Variants in SGPP2 observed in about 807,000 individuals in gnomAD.
The protein encoded by SGPP2 is sphingosine-1-phosphate phosphatase 2, also known as sphingosine 1-phosphate phosphohydrolase 2.
In SGPP2, 30 loss-of-function variants were observed where a neutral mutation model predicts 33.9. That is an observed-to-expected ratio of 0.89 (90% CI 0.66 to 1.20). The LOEUF (loss-of-function observed/expected upper bound fraction) is 1.20. SGPP2 is among the 50% of genes most tolerant of loss of function. SGPP2 has a pLI of 0.00. For missense variants in SGPP2, 458 were observed against 532.1 expected (o/e 0.86, Z 1.37); for synonymous variants, 233 against 225.0 (o/e 1.04, Z -0.32).
At position 222,490,026 on chromosome 2, in the gene SGPP2, G is replaced by A. The variant is rs1402276800; in HGVS notation, c.378+15300G>A. On this transcript the variant is annotated intron_variant, in intron 2 of 4. Coordinates refer to ENST00000321276, the MANE Select transcript of SGPP2 (RefSeq NM_152386.4). Reference sequence around the variant, plus strand: ...TGAAAGCCTGAGTTGCAGAAAACCAGGTGCCTGTCTTTGTTTAAAACATTT... The same window carrying A: ...TGAAAGCCTGAGTTGCAGAAAACCAAGTGCCTGTCTTTGTTTAAAACATTT... Among the ~76,000 whole-genome samples the A allele has an allele frequency of 2.6e-5, 4 of 152,032 alleles. No homozygotes were observed. The East Asian group carries it at 5.8e-4, about 22-fold the overall frequency.
chr2:222,554,261 A>G (rs2106157178), intron 4 of SGPP2, among the ~76,000 whole-genome samples: 1 of 152,336 alleles, frequency 6.6e-6, no homozygotes, highest in East Asian at 1.9e-4. Context: ...AAATGGTAAT[A>G]TACTGTATGC....
intron 4 of SGPP2, among the ~76,000 whole-genome samples, chr2:222,542,428 AC>A (rs1428579038): frequency 5.3e-5 from 8 of 152,314 alleles, no homozygotes; most frequent in African/African-American, 1.4e-4. Flanking sequence ...TTGAGTATGA[AC>A]GCAGAAGTAA....
At chr2:222,540,274 T>C (rs1329205497) in intron 4 of SGPP2, among the ~76,000 whole-genome samples, 1 of 152,180 alleles carries the variant, frequency 6.6e-6, no homozygotes, top group African/African-American at 2.4e-5. Context: ...TAAAGGTAAT[T>C]TTATGCAGTA....
chr2:222,522,327 G>A (rs974680457), intron 3 of SGPP2, among the ~76,000 whole-genome samples: 1 of 152,124 alleles, frequency 6.6e-6, no homozygotes, highest in Non-Finnish European at 1.5e-5. Flanking sequence ...TGATTCTCCA[G>A]GGCTGAGATG....
At chr2:222,553,755 G>C (rs1241109988) in intron 4 of SGPP2, among the ~76,000 whole-genome samples, 1 of 152,158 alleles carries the variant, frequency 6.6e-6, no homozygotes, top group Non-Finnish European at 1.5e-5. Context: ...ATACATTTAG[G>C]TAAAATGACT....
At chr2:222,538,653 G>C (rs2106146769) in intron 4 of SGPP2, among the ~76,000 whole-genome samples, 1 of 152,154 alleles carries the variant, frequency 6.6e-6, no homozygotes, top group East Asian at 1.9e-4. Context: ...CAGTTCTGCA[G>C]GAAGCATAGT....
chr2:222,558,586 C>G lies in SGPP2; in HGVS notation c.888C>G (p.Phe296Leu), dbSNP rs1320543244. The change falls in exon 5 of 5, where the codon TTC becomes TTG. Residue 296 changes from phenylalanine to leucine, a missense_variant. Transcript: ENST00000321276. ...GVTIGFWINH[F>L]FQLVSKPAES... ...CCATAGGATTCTGGATCAACCATTT[C>G]TTCCAGCTTGTATCCAAGCCCGCTG... The G allele has an allele frequency of 6.2e-7, 1 of 1,614,098 alleles. No homozygotes were observed. The highest frequency in any genetic ancestry group is 2.2e-5 in the East Asian group (1 of 44,906).
At chr2:222,459,037 C>G (rs993119581) in intron 1 of SGPP2, among the ~76,000 whole-genome samples, 3 of 152,196 alleles carry the variant, frequency 2.0e-5, no homozygotes, top group Non-Finnish European at 4.4e-5. Context: ...AAAATTCCCA[C>G]TGATTCAGCC....
intron 1 of SGPP2, among the ~76,000 whole-genome samples, chr2:222,432,542 G>A (rs939459497): frequency 6.6e-6 from 1 of 152,220 alleles, no homozygotes; most frequent in African/African-American, 2.4e-5. Flanking sequence ...CATGCATATT[G>A]TGTAGTGACT....
At chr2:222,547,885 G>A (rs1689229908) in intron 4 of SGPP2, among the ~76,000 whole-genome samples, 1 of 152,062 alleles carries the variant, frequency 6.6e-6, no homozygotes, top group African/African-American at 2.4e-5. Flanking sequence ...AAATGAATAT[G>A]TGTGAAAGAT....
chr2:222,494,987 G>A (rs1020478846), intron 2 of SGPP2, among the ~76,000 whole-genome samples: 14 of 152,170 alleles, frequency 9.2e-5, no homozygotes, highest in South Asian at 4.1e-4. Context: ...AGCCAAGATC[G>A]CGCCACTGCA....
At chr2:222,523,334 C>T (rs2106135085) in intron 3 of SGPP2, among the ~76,000 whole-genome samples, 1 of 152,328 alleles carries the variant, frequency 6.6e-6, no homozygotes, top group Middle Eastern at 3.4e-3. Flanking sequence ...TAACTTAGTG[C>T]AGGCTGCTGA....
intron 4 of SGPP2, among the ~76,000 whole-genome samples, chr2:222,545,163 C>G (rs897796426): frequency 6.6e-6 from 1 of 152,078 alleles, no homozygotes; most frequent in Non-Finnish European, 1.5e-5. Context: ...TCCACTGGTA[C>G]TTGCATTTAT....
In SGPP2 at chr2:222,424,578, G is replaced by A; in HGVS notation, c.-25G>A. 1.6e-6 allele frequency: 2 copies of A among 1,218,066 alleles called. No individual in the cohort carries two copies. The highest frequency in any genetic ancestry group is 3.6e-5 in the South Asian group (1 of 27,432). The allele number at this position is 1,218,066 out of a possible 1,614,324, so 75.5% of individuals were successfully genotyped here. On this transcript the variant is annotated 5_prime_UTR_variant, in exon 1 of 5. Transcript: ENST00000321276. ...GGCACCGGCCCGGCGTGGCAGCGGC[G>A]GCGGAGCGCGGCCCCGGGCACACCA...
In SGPP2 at chr2:222,537,658, G is replaced by A. The variant is rs112464042; in HGVS notation, c.648+12625G>A. On this transcript the variant is annotated intron_variant, in intron 4 of 4. Coordinates refer to ENST00000321276, the MANE Select transcript of SGPP2 (RefSeq NM_152386.4). ...CAATATGTATCAAAAGTAGTAAAAT[G>A]TGTGATGCATACCTCTTGACCCAGG... Among the ~76,000 whole-genome samples, 1,053 of 152,310 alleles carry A rather than the reference G, an allele frequency of 6.9e-3. 5 individuals are homozygous for A. Among genetic ancestry groups the A allele is most frequent in the African/African-American group, 0.024 (1,002 of 41,570 alleles).
rs1689387522 is a variant in SGPP2, at chr2:222,555,851, G to A, written c.649-2496G>A. On this transcript the variant is annotated intron_variant, in intron 4 of 4. Coordinates refer to ENST00000321276, the MANE Select transcript of SGPP2 (RefSeq NM_152386.4). ...TTTAAATCCCAGAGCACAATGTCAA[G>A]AGAAAGAGAGAACATCTTTCTCCAA... Among the ~76,000 whole-genome samples the A allele has an allele frequency of 1.3e-5, 2 of 152,170 alleles. 1 individual carries two copies. The highest frequency in any genetic ancestry group is 4.1e-4 in the South Asian group (2 of 4,828).
intron 2 of SGPP2, among the ~76,000 whole-genome samples, chr2:222,481,636 C>T (rs1698030592): frequency 6.6e-6 from 1 of 152,174 alleles, no homozygotes; most frequent in African/African-American, 2.4e-5. Flanking sequence ...TTATGTCTTA[C>T]CCTTTATGAC....
chr2:222,474,820 T>C (rs1697906094), intron 2 of SGPP2, 94 bp downstream of exon 2: 4 of 1,011,756 alleles, frequency 4.0e-6, no homozygotes, highest in African/African-American at 3.3e-5. Context: ...CTTTCTTTTT[T>C]TTTTTTTTTT....
intron 4 of SGPP2, among the ~76,000 whole-genome samples, chr2:222,534,883 T>G (rs931898593): frequency 6.6e-6 from 1 of 152,212 alleles, no homozygotes; most frequent in Non-Finnish European, 1.5e-5. Context: ...CACTCCCTCT[T>G]GGTTTTAATT....
Sources: allele counts gnomAD v4.1 joint callset (sites outside exome capture counted in the v4.1 genomes callset), GRCh38; gene constraint gnomAD v4.1.1; transcripts MANE v1.5; gene names NCBI Gene and HGNC (gene_info 2026-07-23, HGNC 2026-07-21).